The following DDX46 variants were observed in gnomAD, a reference collection of about 807,000 sequenced individuals.
DDX46 encodes DEAD-box helicase 46.
DDX46 carries 30 observed loss-of-function variants against 134.9 expected under a neutral mutation model. That is an observed-to-expected ratio of 0.22 (90% CI 0.17 to 0.30). The LOEUF is 0.30. Ranked by LOEUF, DDX46 falls within the 10% of genes least tolerant of loss-of-function variation. The probability of loss-of-function intolerance (pLI) is 1.00; values close to 1 mark genes in which losing one functional copy is unlikely to be tolerated. For missense variants in DDX46, 622 were observed against 1,248.7 expected (o/e 0.50, Z 7.56); for synonymous variants, 415 against 404.1 (o/e 1.03, Z -0.32).
At chr5:134,773,600 T>C (rs1378911030) in intron 4 of DDX46, 96 bp from the exon 5 acceptor site, 3 of 1,390,116 alleles carry the variant, frequency 2.2e-6, no homozygotes, top group Non-Finnish European at 2.9e-6. Flanking sequence ...CTTTATACTT[T>C]GAAGAACTTA....
At chr5:134,801,011 C>T (rs1439524003) in intron 15 of DDX46, among the ~76,000 whole-genome samples, 2 of 152,232 alleles carry the variant, frequency 1.3e-5, no homozygotes, top group Admixed American at 6.5e-5. Context: ...AGGCCGGGTG[C>T]AGTGACTCAT....
chr5:134,791,526 A>C (rs928603803), intron 13 of DDX46, among the ~76,000 whole-genome samples: 6 of 151,646 alleles, frequency 4.0e-5, no homozygotes, highest in African/African-American at 1.5e-4. Context: ...ACGCTGTTGC[A>C]CTCCAGCCTG....
At chr5:134,802,159 CTTTTTTTTTTT>C (rs542615882) in intron 15 of DDX46, among the ~76,000 whole-genome samples, 8 of 73,286 alleles carry the variant, frequency 1.1e-4, no homozygotes, top group East Asian at 4.6e-4. Flanking sequence ...TAATTTCTTT[CTTTTTTTTTTT>C]TTTTTTTTTT....
chr5:134,793,627 A>G (rs1349685366), intron 13 of DDX46, among the ~76,000 whole-genome samples: 1 of 151,750 alleles, frequency 6.6e-6, no homozygotes, highest in East Asian at 1.9e-4. Flanking sequence ...CTGGTCTCGA[A>G]CTCCTGAGCT....
rs371571113 is a variant in DDX46, at chr5:134,767,123, T to A, written c.350+63T>A. 5.3e-4 allele frequency: 166 copies of A among 313,848 alleles called. No homozygotes were observed. In the East Asian group the frequency reaches 0.017, roughly 33 times the overall value. 19.4% of individuals were successfully genotyped at this position (313,848 alleles called of 1,614,324 possible). The stretch of plus-strand genomic sequence containing the variant: ...GGGGACTGCTTCCCTTCTCTGCGCC[T>A]TTTTTTTTTTTCCCTGTAAGTTTGT... On this transcript the variant is annotated intron_variant, in intron 3 of 22. Transcript: ENST00000452510.
chr5:134,785,162 T>C (rs545840082), intron 10 of DDX46, among the ~76,000 whole-genome samples: 1 of 152,348 alleles, frequency 6.6e-6, no homozygotes, highest in South Asian at 2.1e-4. Flanking sequence ...TGATTTTCTT[T>C]GTTCTGTGAT....
chr5:134,776,654 C>T (rs766815822), intron 5 of DDX46, among the ~76,000 whole-genome samples: 4 of 151,860 alleles, frequency 2.6e-5, no homozygotes, highest in African/African-American at 9.7e-5. Context: ...CAGTGGCTCA[C>T]GCCTGTAATC....
At chr5:134,815,164 C>G (rs1755251818) in intron 18 of DDX46, among the ~76,000 whole-genome samples, 1 of 152,150 alleles carries the variant, frequency 6.6e-6, no homozygotes, top group Admixed American at 6.5e-5. Flanking sequence ...TATGAGGAAC[C>G]CTTGAGCCTG....
chr5:134,801,690 T>A (rs1754833518), intron 15 of DDX46, among the ~76,000 whole-genome samples: 1 of 152,218 alleles, frequency 6.6e-6, no homozygotes, highest in Non-Finnish European at 1.5e-5. Context: ...TGAGCCACGG[T>A]GCCTGGCTTA....
In DDX46 at chr5:134,818,840, T is replaced by C. The variant is rs573079939; in HGVS notation, c.2833-20T>C. The C allele has an allele frequency of 8.1e-6, 13 of 1,601,532 alleles. No individual in the cohort carries two copies. Among genetic ancestry groups the C allele is most frequent in the African/African-American group, 8.1e-5 (6 of 74,140 alleles). On this transcript the variant is annotated intron_variant, in intron 20 of 22. Transcript: ENST00000452510. ...GTCCTGTTATGAAGTGATTTTTCTTTTCCTTACCTTTTCTTTTAGACTGCT... is the reference window on the plus strand; with the variant it reads ...GTCCTGTTATGAAGTGATTTTTCTTCTCCTTACCTTTTCTTTTAGACTGCT...
chr5:134,777,093 C>G (rs1023345226), intron 5 of DDX46, among the ~76,000 whole-genome samples: 1 of 151,888 alleles, frequency 6.6e-6, no homozygotes, highest in African/African-American at 2.4e-5. Context: ...ACCTGTAGTC[C>G]CGGTTACTCG....
At chr5:134,789,287 C>T (rs983340237) in intron 12 of DDX46, 2 of 152,092 alleles carry the variant, frequency 1.3e-5, no homozygotes, top group South Asian at 2.1e-4. Context: ...ATGCTGTTCC[C>T]GACCTTGCAA....
chr5:134,811,888 T>C, intron 18 of DDX46, 43 bp downstream of exon 18: 4 of 1,589,186 alleles, frequency 2.5e-6, no homozygotes, highest in Non-Finnish European at 3.4e-6. Flanking sequence ...AGCAGTTATT[T>C]CTTTTGTACT....
chr5:134,781,384 G>A (rs1754148821), intron 7 of DDX46, 138 bp downstream of exon 7: 2 of 669,920 alleles, frequency 3.0e-6, no homozygotes, highest in Admixed American at 3.2e-5. Context: ...GCTATTCTTA[G>A]TAGTATAATA....
intron 19 of DDX46, 109 bp downstream of exon 19, chr5:134,816,715 T>C: frequency 1.8e-6 from 2 of 1,097,488 alleles, no homozygotes; most frequent in African/African-American, 1.6e-5. Flanking sequence ...GACATTGAGT[T>C]TGTGAGAATT....
At chr5:134,803,786 T>C (rs1754901369) in intron 15 of DDX46, among the ~76,000 whole-genome samples, 1 of 152,182 alleles carries the variant, frequency 6.6e-6, no homozygotes, top group Non-Finnish European at 1.5e-5. Flanking sequence ...TGTGTTTTTA[T>C]ATAGTAAGGA....
In DDX46 at chr5:134,829,305, T is replaced by G. The variant is rs1244505362; in HGVS notation, c.*599T>G. On this transcript the variant is annotated 3_prime_UTR_variant, in exon 23 of 23. Coordinates refer to ENST00000452510, the MANE Select transcript of DDX46 (RefSeq NM_001300860.2). ...GTAAAGATTTAATAGTATAAGGATT[T>G]TTTTGCATTTCTTTACACTGAGTGT... 6.6e-6 allele frequency: 1 copy of G among 152,204 alleles called. No individual in the cohort carries two copies. The highest frequency in any genetic ancestry group is 2.4e-5 in the African/African-American group (1 of 41,450). 9.4% of individuals were successfully genotyped at this position (152,204 alleles called of 1,614,324 possible). A position where few individuals can be genotyped will look rare whatever the true frequency, so the allele number is the denominator to read the frequency against.
In DDX46 at chr5:134,811,863, C is replaced by G. The variant is rs748383244; in HGVS notation, c.2436+18C>G. 2 of 1,599,870 alleles carry G rather than the reference C, an allele frequency of 1.3e-6. No homozygotes were observed. The highest frequency in any genetic ancestry group is 1.1e-5 in the South Asian group (1 of 88,072). On this transcript the variant is annotated intron_variant, in intron 18 of 22. Transcript: ENST00000452510. ...CAGTTGATGTAAGTACTATTATTCT[C>G]TCATTCTTAATTGAAGCAGTTATTT...
At chr5:134,800,445 T>C (rs1049123542) in intron 15 of DDX46, among the ~76,000 whole-genome samples, 1 of 152,212 alleles carries the variant, frequency 6.6e-6, no homozygotes, top group Admixed American at 6.5e-5. Context: ...TATTCTATTA[T>C]ATGACTATGC....
Sources: allele counts gnomAD v4.1 joint callset (sites outside exome capture counted in the v4.1 genomes callset), GRCh38; gene constraint gnomAD v4.1.1; transcripts MANE v1.5; gene names NCBI Gene and HGNC (gene_info 2026-07-23, HGNC 2026-07-21).